The following WDR70 variants were observed in gnomAD, a reference collection of about 807,000 sequenced individuals.
WDR70 encodes the protein WD repeat domain 70.
A neutral mutation model predicts 88.6 loss-of-function variants in WDR70; 53 were observed. The observed-to-expected ratio is 0.60, with a 90% CI of 0.48 to 0.75. The LOEUF (loss-of-function observed/expected upper bound fraction) is 0.75. WDR70 is among the 30% of genes least tolerant of loss of function. The pLI is 0.00. For synonymous variants in WDR70, 280 were observed against 270.0 expected, an observed-to-expected ratio of 1.04 and a Z score of -0.36; for missense variants, 610 against 823.2, an observed-to-expected ratio of 0.74 and a Z score of 3.17.
intron 9 of WDR70, among the ~76,000 whole-genome samples, chr5:37,522,831 A>G (rs368946184): frequency 6.6e-6 from 1 of 152,216 alleles, no homozygotes; most frequent in South Asian, 2.1e-4. Context: ...CCAGGAGATT[A>G]TATTCTGTGC....
chr5:37,531,275 G>A (rs1488069709), intron 9 of WDR70, among the ~76,000 whole-genome samples: 2 of 152,064 alleles, frequency 1.3e-5, no homozygotes, highest in Non-Finnish European at 2.9e-5. Flanking sequence ...CAGTTGTTGG[G>A]TAGAATGTTC....
At chr5:37,506,047 C>G (rs1349558633) in intron 8 of WDR70, 2 of 1,389,212 alleles carry the variant, frequency 1.4e-6, no homozygotes, top group Admixed American at 1.7e-5. Flanking sequence ...TTTGCACAGT[C>G]AAGCACTGAT....
intron 10 of WDR70, among the ~76,000 whole-genome samples, chr5:37,653,902 A>G (rs113902879): frequency 6.6e-6 from 1 of 152,016 alleles, no homozygotes; most frequent in African/African-American, 2.4e-5. Flanking sequence ...TCCTGGATTC[A>G]TTGATTTTTT....
intron 8 of WDR70, among the ~76,000 whole-genome samples, chr5:37,496,713 T>G (rs1161353820): frequency 6.6e-6 from 1 of 152,090 alleles, no homozygotes; most frequent in Non-Finnish European, 1.5e-5. Context: ...ATGGGTTGAG[T>G]GAGTTGTTGG....
chr5:37,483,222 T>C (rs1197696423), intron 8 of WDR70, among the ~76,000 whole-genome samples: 2 of 151,640 alleles, frequency 1.3e-5, no homozygotes. Flanking sequence ...CAAAGGTCTC[T>C]GGTTTTCCTA....
intron 9 of WDR70, among the ~76,000 whole-genome samples, chr5:37,578,779 A>G (rs1018745320): frequency 6.6e-6 from 1 of 152,220 alleles, no homozygotes; most frequent in African/African-American, 2.4e-5. Flanking sequence ...TGATATGACA[A>G]GTTTTATAGA....
chr5:37,470,860 TTATGCATAC>T (rs1739306000), intron 7 of WDR70, among the ~76,000 whole-genome samples: 2 of 152,008 alleles, frequency 1.3e-5, no homozygotes, highest in Admixed American at 1.3e-4. Flanking sequence ...AGGTCATTGA[TTATGCATAC>T]ATTCTGCATT....
chr5:37,541,018 G>A (rs1938003648), intron 9 of WDR70, among the ~76,000 whole-genome samples: 1 of 152,118 alleles, frequency 6.6e-6, no homozygotes, highest in South Asian at 2.1e-4. Flanking sequence ...TAATTCAGCA[G>A]ATTATTATCA....
chr5:37,525,909 T>C (rs1741253739), intron 9 of WDR70, among the ~76,000 whole-genome samples: 1 of 152,130 alleles, frequency 6.6e-6, no homozygotes, highest in Admixed American at 6.5e-5. Context: ...CCTGGACACA[T>C]ACACCCTCCC....
intron 9 of WDR70, among the ~76,000 whole-genome samples, chr5:37,601,530 C>A (rs1041925126): frequency 1.3e-5 from 2 of 152,132 alleles, no homozygotes; most frequent in African/African-American, 4.8e-5. Context: ...CAATGCTAGC[C>A]TTGTAAAATG....
intron 13 of WDR70, 145 bp downstream of exon 13, chr5:37,703,232 C>T: frequency 1.0e-6 from 1 of 999,332 alleles, no homozygotes; most frequent in Non-Finnish European, 1.4e-6. Flanking sequence ...TAGGAGTTAT[C>T]AGTATGTTGT....
intron 3 of WDR70, among the ~76,000 whole-genome samples, chr5:37,385,298 T>A (rs1259411462): frequency 1.3e-5 from 2 of 151,778 alleles, no homozygotes; most frequent in Non-Finnish European, 2.9e-5. Context: ...GGTAGGAGGA[T>A]CACTTGAGCC....
chr5:37,446,909 G>A (rs887149752), intron 7 of WDR70, among the ~76,000 whole-genome samples: 3 of 152,128 alleles, frequency 2.0e-5, no homozygotes, highest in Non-Finnish European at 2.9e-5. Flanking sequence ...AACACCAAAA[G>A]CAATGGTAAC....
chr5:37,479,910 G>A lies in WDR70; in HGVS notation c.763G>A (p.Val255Met). 1 of 1,614,164 alleles carries A rather than the reference G, an allele frequency of 6.2e-7. No individual in the cohort carries two copies. Among genetic ancestry groups the A allele is most frequent in the Non-Finnish European group, 8.5e-7 (1 of 1,180,032 alleles). The change falls in exon 8 of 18, where the codon GTG becomes ATG. Residue 255 changes from valine to methionine, a missense_variant. Coordinates refer to ENST00000265107, the MANE Select transcript of WDR70 (RefSeq NM_018034.4). ...LVVSGSSQAK[V>M]IDRDGFEVME... is the part of the protein sequence containing the mutation. ...TGTATCTGGAAGCTCTCAGGCCAAG[G>A]TGATTGACAGAGATGGTTTTGAAGT...
At chr5:37,545,547 T>G (rs111588191) in intron 9 of WDR70, among the ~76,000 whole-genome samples, 5,082 of 151,936 alleles carry the variant, frequency 0.033, 131 homozygotes, top group Admixed American at 0.072. Context: ...TTTTGTTTTT[T>G]TTTTGAGATA....
intron 10 of WDR70, among the ~76,000 whole-genome samples, chr5:37,692,695 C>T (rs79328100): frequency 3.1e-4 from 47 of 152,142 alleles, no homozygotes; most frequent in African/African-American, 8.9e-4. Flanking sequence ...TCAATAAACT[C>T]GGTATTGATG....
At chr5:37,492,717 G>A (rs1740102444) in intron 8 of WDR70, among the ~76,000 whole-genome samples, 1 of 152,166 alleles carries the variant, frequency 6.6e-6, no homozygotes, top group African/African-American at 2.4e-5. Context: ...AAATGTTGAA[G>A]GTGCTGCCTG....
intron 10 of WDR70, among the ~76,000 whole-genome samples, chr5:37,612,869 C>T (rs1744225688): frequency 6.6e-6 from 1 of 152,172 alleles, no homozygotes; most frequent in African/African-American, 2.4e-5. Context: ...GAACACGTGA[C>T]ATATGAACTA....
chr5:37,415,260 C>T (rs920355976), intron 5 of WDR70, among the ~76,000 whole-genome samples: 5 of 152,004 alleles, frequency 3.3e-5, no homozygotes, highest in African/African-American at 1.2e-4. Flanking sequence ...ACAAAACCGC[C>T]ATTGTCATCA....
Sources: gnomAD v4.1 joint callset for allele counts (sites outside exome capture counted in the v4.1 genomes callset) on GRCh38, gnomAD v4.1.1 for gene constraint, MANE v1.5 for transcripts, NCBI Gene and HGNC (gene_info 2026-07-23, HGNC 2026-07-21) for gene names.